The following ARIH1 variants were observed in gnomAD, a reference collection of about 807,000 sequenced individuals.
The protein encoded by ARIH1 is E3 ubiquitin-protein ligase ARIH1.
ARIH1 carries 8 observed loss-of-function variants against 85.0 expected under a neutral mutation model. The ratio of observed to expected loss-of-function variants is 0.09; its 90% CI spans 0.06 to 0.17. The LOEUF is 0.17. ARIH1 is among the 10% of genes least tolerant of loss of function. The pLI is 1.00. For missense variants in ARIH1, 311 were observed against 718.1 expected (o/e 0.43, Z 6.48); for synonymous variants, 238 against 253.6 (o/e 0.94, Z 0.59).
rs1362829384 is a variant in ARIH1 at position 72,593,602 on chromosome 15, G to A, written c.*10310G>A. ...TTTCTTTACCCATTAGATTGACTTG[G>A]TAGCTTGGTTAAAAATTGATCACGT... On this transcript the variant is annotated 3_prime_UTR_variant, in exon 14 of 14. Transcript: ENST00000379887. 1.3e-5 allele frequency: 2 copies of A among 152,110 alleles called. No individual in the cohort carries two copies. The highest frequency in any genetic ancestry group is 1.3e-4 in the Admixed American group (2 of 15,278). The allele number at this position is 152,110 out of a possible 1,614,324, so 9.4% of individuals were successfully genotyped here.
chr15:72,549,268 A>T (rs151285533), intron 3 of ARIH1, among the ~76,000 whole-genome samples: 1 of 151,894 alleles, frequency 6.6e-6, no homozygotes, highest in Non-Finnish European at 1.5e-5. Context: ...TTGTATTTTT[A>T]GTAGACATGG....
At chr15:72,516,444 A>T (rs765480466) in intron 1 of ARIH1, among the ~76,000 whole-genome samples, 15 of 152,098 alleles carry the variant, frequency 9.9e-5, no homozygotes, top group Non-Finnish European at 1.5e-4. Context: ...AAAGTTTTAC[A>T]TCACATTTCT....
rs182893918 is a variant in ARIH1 at position 72,555,656 on chromosome 15, A to G, written c.682-196A>G. Reference sequence around the variant, plus strand: ...TTTAAAATTGTGTGTTTAAAAACCAATTAGTCAGGTTAGCAAGTCTAGTTA... The same window carrying G: ...TTTAAAATTGTGTGTTTAAAAACCAGTTAGTCAGGTTAGCAAGTCTAGTTA... On this transcript the variant is annotated intron_variant, in intron 4 of 13. Coordinates refer to ENST00000379887, the MANE Select transcript of ARIH1 (RefSeq NM_005744.5). Among the ~76,000 whole-genome samples, 148 of 152,332 alleles carry G rather than the reference A, an allele frequency of 9.7e-4. 2 individuals are homozygous for G. In the East Asian group the frequency reaches 0.025, roughly 25 times the overall value.
chr15:72,497,502 A>G (rs1263202840), intron 1 of ARIH1, among the ~76,000 whole-genome samples: 3 of 152,138 alleles, frequency 2.0e-5, no homozygotes, highest in Non-Finnish European at 4.4e-5. Context: ...TAGCATTTTT[A>G]TACTGAATCC....
chr15:72,508,678 C>CTCATTGT (rs1017419211), intron 1 of ARIH1, among the ~76,000 whole-genome samples: 2 of 151,670 alleles, frequency 1.3e-5, no homozygotes, highest in East Asian at 3.9e-4. Flanking sequence ...CCCTTTTACT[C>CTCATTGT]TCATTGTTCT....
intron 11 of ARIH1, among the ~76,000 whole-genome samples, chr15:72,579,007 C>T (rs1314742449): frequency 1.3e-5 from 2 of 151,814 alleles, no homozygotes; most frequent in African/African-American, 2.4e-5. Context: ...CTGGCTCAAA[C>T]TCCTGAGCTC....
intron 2 of ARIH1, among the ~76,000 whole-genome samples, chr15:72,528,005 ATCAGAT>A (rs2140416007): frequency 6.6e-6 from 1 of 152,292 alleles, no homozygotes; most frequent in African/African-American, 2.4e-5. Flanking sequence ...ATGAATGTAA[ATCAGAT>A]TTCATTTTGG....
At chr15:72,530,437 A>G (rs1298132632) in intron 2 of ARIH1, among the ~76,000 whole-genome samples, 1 of 152,200 alleles carries the variant, frequency 6.6e-6, no homozygotes, top group Non-Finnish European at 1.5e-5. Flanking sequence ...CGAAAATTGA[A>G]TACACTAGCT....
intron 1 of ARIH1, among the ~76,000 whole-genome samples, chr15:72,493,265 T>C (rs1187767718): frequency 6.6e-6 from 1 of 151,860 alleles, no homozygotes; most frequent in African/African-American, 2.4e-5. Flanking sequence ...AGACTAACAC[T>C]TTTTGGGGGG....
At chr15:72,552,697 A>G (rs1158681954) in intron 3 of ARIH1, among the ~76,000 whole-genome samples, 1 of 152,016 alleles carries the variant, frequency 6.6e-6, no homozygotes, top group Non-Finnish European at 1.5e-5. Context: ...ACACCTCTGG[A>G]AGAATATGTA....
At chr15:72,488,369 G>C (rs1222790004) in intron 1 of ARIH1, among the ~76,000 whole-genome samples, 1 of 152,032 alleles carries the variant, frequency 6.6e-6, no homozygotes, top group Non-Finnish European at 1.5e-5. Context: ...GAGCCACCGT[G>C]CCCAGCTCTC....
At position 72,582,241 on chromosome 15, in the gene ARIH1, T is replaced by TG. The variant is rs1043999889; in HGVS notation, c.1589+56dup. On this transcript the variant is annotated intron_variant, in intron 13 of 13. Transcript: ENST00000379887. This position sits in a 1 kb window ranked among gnomAD's most constrained non-coding sequence, Gnocchi z 4.6. ...ACTTTCTGCCAGTGATGATCCTTAC[T>TG]GGTAAAGTTCAGTGATAGTGAAACT... The TG allele has an allele frequency of 2.4e-5, 30 of 1,268,830 alleles. No homozygotes were observed. The highest frequency in any genetic ancestry group is 1.9e-4 in the Middle Eastern group (1 of 5,314). The allele number at this position is 1,268,830 out of a possible 1,614,324, so 78.6% of individuals were successfully genotyped here.
chr15:72,520,478 GA>G (rs901133668), intron 2 of ARIH1, among the ~76,000 whole-genome samples: 4 of 151,508 alleles, frequency 2.6e-5, no homozygotes, highest in East Asian at 1.9e-4. Flanking sequence ...AAATCTGAAT[GA>G]AAAAACTATT....
chr15:72,488,310 C>G (rs550094012), intron 1 of ARIH1, among the ~76,000 whole-genome samples: 1 of 152,166 alleles, frequency 6.6e-6, no homozygotes, highest in Non-Finnish European at 1.5e-5. Context: ...CTCCTGGACT[C>G]AAACGATCTT....
chr15:72,476,245 C>T (rs2063794625), intron 1 of ARIH1, among the ~76,000 whole-genome samples: 5 of 152,044 alleles, frequency 3.3e-5, no homozygotes, highest in Admixed American at 3.3e-4. Context: ...GGCACTGTTT[C>T]AATACAGTGT....
chr15:72,535,244 C>T (rs1308465956), intron 2 of ARIH1, among the ~76,000 whole-genome samples: 2 of 152,130 alleles, frequency 1.3e-5, no homozygotes, highest in Non-Finnish European at 2.9e-5. Flanking sequence ...AGCCACCGCG[C>T]CCGGCCTTAT....
chr15:72,578,201 T>C (rs1191011818), intron 11 of ARIH1, among the ~76,000 whole-genome samples: 3 of 152,200 alleles, frequency 2.0e-5, no homozygotes, highest in South Asian at 2.1e-4. Flanking sequence ...ATTTCCTTGA[T>C]GGGCTCTGTT....
intron 1 of ARIH1, among the ~76,000 whole-genome samples, chr15:72,476,641 C>T (rs1184451623): frequency 2.0e-5 from 3 of 152,112 alleles, no homozygotes; most frequent in Non-Finnish European, 4.4e-5. Flanking sequence ...GGATTACAGG[C>T]GTCAGCCACC....
At chr15:72,566,220 G>C (rs375317232) in intron 7 of ARIH1, 1 of 227,562 alleles carries the variant, frequency 4.4e-6, no homozygotes, top group Non-Finnish European at 8.5e-6. Flanking sequence ...TCTTCATTTA[G>C]GGTGTTAAGT....
Sources: allele counts gnomAD v4.1 joint callset (sites outside exome capture counted in the v4.1 genomes callset), GRCh38; gene constraint gnomAD v4.1.1; non-coding constraint Gnocchi (gnomAD v3.1); transcripts MANE v1.5; gene names NCBI Gene and HGNC (gene_info 2026-07-23, HGNC 2026-07-21).